The following CACNG7 variants were observed in gnomAD, a reference collection of about 807,000 sequenced individuals.
CACNG7 encodes voltage-dependent calcium channel gamma-7 subunit.
Under a neutral mutation model 26.3 loss-of-function variants are expected in CACNG7, and 9 were observed. The ratio of observed to expected loss-of-function variants is 0.34; its 90% CI spans 0.21 to 0.60. CACNG7 has a LOEUF of 0.60. Among genes scored for constraint, CACNG7 ranks in the 20% least tolerant of loss-of-function variants. The probability of loss-of-function intolerance (pLI) is 0.81; values close to 1 mark genes in which losing one functional copy is unlikely to be tolerated. For synonymous variants in CACNG7, 170 were observed against 157.0 expected, an observed-to-expected ratio of 1.08 and a Z score of -0.62; for missense variants, 297 against 380.4, an observed-to-expected ratio of 0.78 and a Z score of 1.82.
intron 4 of CACNG7, among the ~76,000 whole-genome samples, chr19:53,923,710 TCCCAGGTCTGGTCATTGGTGGAGTTG>T (rs2068989787): frequency 1.6e-4 from 10 of 62,706 alleles, no homozygotes; most frequent in African/African-American, 9.1e-4. Flanking sequence ...GGTGGAGTTG[TCCCAGGTCTGGTCATTGGTGGAGTTG>T]CCCCAGGTCT....
chr19:53,923,392 A>G (rs1599981651), intron 4 of CACNG7, among the ~76,000 whole-genome samples: 1 of 111,202 alleles, frequency 9.0e-6, no homozygotes, highest in South Asian at 3.7e-4. Flanking sequence ...AGTTGTCCCC[A>G]GGTCTGGTAT....
intron 4 of CACNG7, among the ~76,000 whole-genome samples, chr19:53,924,582 CAGGCTGGTCATTGGTGG>C (rs1432521341): frequency 6.9e-6 from 1 of 144,996 alleles, no homozygotes; most frequent in Non-Finnish European, 1.5e-5. Context: ...GGAGTTGCCC[CAGGCTGGTCATTGGTGG>C]AGTTGCCCAG....
At chr19:53,921,355 G>T (rs1433617585) in intron 4 of CACNG7, among the ~76,000 whole-genome samples, 1 of 133,236 alleles carries the variant, frequency 7.5e-6, no homozygotes, top group East Asian at 2.4e-4. Flanking sequence ...GCTGGTCATT[G>T]GTGGAGTCGT....
intron 4 of CACNG7, among the ~76,000 whole-genome samples, chr19:53,921,088 G>C (rs1226993758): frequency 4.4e-5 from 4 of 91,934 alleles, no homozygotes; most frequent in African/African-American, 2.5e-4. Flanking sequence ...TCTGGTCATT[G>C]GTGGAGTTGT....
intron 4 of CACNG7, among the ~76,000 whole-genome samples, chr19:53,924,289 T>TCTGGTCATTGGTGGACTTTCCCCAGGC (rs2069001123): frequency 7.9e-6 from 1 of 127,012 alleles, no homozygotes; most frequent in Non-Finnish European, 1.6e-5. Context: ...TTTCCCCAGG[T>TCTGGTCATTGGTGGACTTTCCCCAGGC]CTGGTCATTG....
At chr19:53,924,524 T>A (rs1284693272) in intron 4 of CACNG7, among the ~76,000 whole-genome samples, 1 of 146,388 alleles carries the variant, frequency 6.8e-6, no homozygotes, top group Admixed American at 6.8e-5. Flanking sequence ...ATTGGTGGAG[T>A]TGCCCCAGGT....
rs566852194 is a variant in CACNG7, at chr19:53,909,840, G to A, written c.-30+323G>A. Reference sequence around the variant, plus strand: ...GGCGGAGGACCCAGGCCCGGCCAGAGCAGGATGTGGGTCTGGAAAGGGGTC... The same window carrying A: ...GGCGGAGGACCCAGGCCCGGCCAGAACAGGATGTGGGTCTGGAAAGGGGTC... On this transcript the variant is annotated intron_variant, in intron 1 of 5. Transcript: ENST00000391767. The surrounding 1 kb of genome is among the most constrained non-coding windows in gnomAD (Gnocchi z 5.1). Among the ~76,000 whole-genome samples the A allele has an allele frequency of 9.2e-5, 14 of 152,290 alleles. No individual in the cohort carries two copies. The highest frequency in any genetic ancestry group is 3.1e-4 in the African/African-American group (13 of 41,566).
At chr19:53,928,640 T>C (rs186255307) in intron 4 of CACNG7, among the ~76,000 whole-genome samples, 3 of 152,226 alleles carry the variant, frequency 2.0e-5, no homozygotes, top group Non-Finnish European at 4.4e-5. Context: ...GAGTGAACTA[T>C]GAGGCAGGTG....
At chr19:53,923,710 TCCCAGGTCTGGTCATTGGTGGAGTTGC>T (rs1568776601) in intron 4 of CACNG7, among the ~76,000 whole-genome samples, 6 of 62,700 alleles carry the variant, frequency 9.6e-5, no homozygotes, top group East Asian at 4.2e-4. Context: ...GGTGGAGTTG[TCCCAGGTCTGGTCATTGGTGGAGTTGC>T]CCCAGGTCTG....
intron 4 of CACNG7, among the ~76,000 whole-genome samples, chr19:53,929,148 A>G (rs1482949353): frequency 6.7e-6 from 1 of 150,258 alleles, no homozygotes; most frequent in African/African-American, 2.4e-5. Flanking sequence ...AGAGAGAATA[A>G]GGCCTGAGCT....
At chr19:53,911,001 A>T (rs3844454) in intron 1 of CACNG7, among the ~76,000 whole-genome samples, 35,306 of 151,140 alleles carry the variant, frequency 0.23, 10,269 homozygotes, top group African/African-American at 0.69. Context: ...AGGATGAGAG[A>T]CCGTTGTTTG....
At chr19:53,920,920 T>TCTGGTCATTGGTGGACTTGCTCCAGG (rs2068942336) in intron 4 of CACNG7, among the ~76,000 whole-genome samples, 1 of 102,174 alleles carries the variant, frequency 9.8e-6, no homozygotes, top group Non-Finnish European at 2.0e-5. Flanking sequence ...TGTCCCCAGG[T>TCTGGTCATTGGTGGACTTGCTCCAGG]CTGGTCATTG....
At chr19:53,924,267 TC>T (rs1260445681) in intron 4 of CACNG7, among the ~76,000 whole-genome samples, 6 of 138,782 alleles carry the variant, frequency 4.3e-5, no homozygotes, top group African/African-American at 1.1e-4. Flanking sequence ...CCAGGTCTGG[TC>T]ATTGGTGGAC....
Position 53,942,566 on chromosome 19 carries a change from C to T in CACNG7, c.*273C>T, listed in dbSNP as rs1312920516. 30 of 1,349,524 alleles carry T rather than the reference C, an allele frequency of 2.2e-5. No individual in the cohort carries two copies. The East Asian group carries it at 8.6e-4, about 38-fold the overall frequency. 83.6% of individuals were successfully genotyped at this position (1,349,524 alleles called of 1,614,324 possible). A position where few individuals can be genotyped will look rare whatever the true frequency, so the allele number is the denominator to read the frequency against. Reference sequence around the variant, plus strand: ...CGTTGGCCCGCCCCTTTCCTCTGGCCCCTCCTCTCCAAGAAAATTAGCTCC... The same window carrying T: ...CGTTGGCCCGCCCCTTTCCTCTGGCTCCTCCTCTCCAAGAAAATTAGCTCC... On this transcript the variant is annotated 3_prime_UTR_variant, in exon 6 of 6. Coordinates refer to ENST00000391767, the MANE Select transcript of CACNG7 (RefSeq NM_031896.5). This position sits in a 1 kb window ranked among gnomAD's most constrained non-coding sequence, Gnocchi z 5.9.
intron 4 of CACNG7, among the ~76,000 whole-genome samples, chr19:53,935,283 C>T (rs2069097748): frequency 6.6e-6 from 1 of 151,514 alleles, no homozygotes; most frequent in Admixed American, 6.6e-5. Flanking sequence ...TAGCTAATAT[C>T]TAGTCCTACA....
chr19:53,914,387 A>G (rs2068881422), intron 2 of CACNG7, 113 bp from the exon 3 acceptor site: 5 of 761,096 alleles, frequency 6.6e-6, no homozygotes, highest in Non-Finnish European at 1.1e-5. Context: ...CCCTTGGGTT[A>G]GGCCTTGCTC....
rs1180257030 is a variant in CACNG7 at position 53,912,840 on chromosome 19, C to T, written c.9C>T (p.His3=). 3 of 1,612,300 alleles carry T rather than the reference C, an allele frequency of 1.9e-6. No homozygotes were observed. The African/African-American group carries it at 4.0e-5, about 22-fold the overall frequency. Reference sequence around the variant, plus strand: ...GCCCCCTGCCTCTGAGGATGAGTCACTGCAGCAGCCGCGCCCTGACCCTGC... The same window carrying T: ...GCCCCCTGCCTCTGAGGATGAGTCATTGCAGCAGCCGCGCCCTGACCCTGC... MS[H]CSSRALTLLS... Residue 3 remains histidine, a synonymous_variant, in exon 2 of 6, where the codon CAC becomes CAT. Coordinates refer to ENST00000391767, the MANE Select transcript of CACNG7 (RefSeq NM_031896.5). The surrounding 1 kb of genome is among the most constrained non-coding windows in gnomAD (Gnocchi z 4.6).
At chr19:53,916,287 G>A (rs540656734) in intron 4 of CACNG7, among the ~76,000 whole-genome samples, 10 of 151,890 alleles carry the variant, frequency 6.6e-5, no homozygotes, top group East Asian at 1.9e-4. Flanking sequence ...TCTCACACCC[G>A]TCTCCTAACA....
chr19:53,913,063 T>G, intron 2 of CACNG7, 36 bp downstream of exon 2: 1 of 1,578,012 alleles, frequency 6.3e-7, no homozygotes, highest in Non-Finnish European at 8.7e-7. Context: ...CAACAGTTTC[T>G]GCCTTGCCTG....
Sources: allele counts gnomAD v4.1 joint callset (sites outside exome capture counted in the v4.1 genomes callset), GRCh38; gene constraint gnomAD v4.1.1; non-coding constraint Gnocchi (gnomAD v3.1); transcripts MANE v1.5; gene names NCBI Gene and HGNC (gene_info 2026-07-23, HGNC 2026-07-21).